KCNMB4: variants seen among roughly 807,000 people sequenced by gnomAD.
KCNMB4 encodes potassium calcium-activated channel subfamily M regulatory beta subunit 4, also known as calcium-activated potassium channel subunit beta-4.
Under a neutral mutation model 20.7 loss-of-function variants are expected in KCNMB4, and 3 were observed. The observed-to-expected ratio is 0.14, with a 90% CI of 0.07 to 0.37. KCNMB4 has a LOEUF of 0.37. Among genes scored for constraint, KCNMB4 ranks in the 10% least tolerant of loss-of-function variants. The pLI is 1.00. For synonymous variants in KCNMB4, 110 were observed against 113.4 expected, an observed-to-expected ratio of 0.97 and a Z score of 0.19; for missense variants, 168 against 265.9, an observed-to-expected ratio of 0.63 and a Z score of 2.56.
In KCNMB4 at chr12:70,430,970, C is replaced by T. The variant is rs879864180; in HGVS notation, c.*317C>T. 4 of 183,334 alleles carry T rather than the reference C, an allele frequency of 2.2e-5. No homozygotes were observed. Among genetic ancestry groups the T allele is most frequent in the Admixed American group, 1.9e-4 (3 of 16,154 alleles). 11.4% of individuals were successfully genotyped at this position (183,334 alleles called of 1,614,324 possible). A position where few individuals can be genotyped will look rare whatever the true frequency, so the allele number is the denominator to read the frequency against. On this transcript the variant is annotated 3_prime_UTR_variant, in exon 3 of 3. Transcript: ENST00000258111. ...TATTTGTACAGTGTAGTATACAAACCATTATGATTTATGCTACTTAAAAAT... is the reference window on the plus strand; with the variant it reads ...TATTTGTACAGTGTAGTATACAAACTATTATGATTTATGCTACTTAAAAAT...
rs1041639966 is a variant in KCNMB4 at position 70,396,767 on chromosome 12, C to A, written c.337-3442C>A. On this transcript the variant is annotated intron_variant, in intron 1 of 2. Transcript: ENST00000258111. ...ATGTAGGTTGTTATTTGTGGTCCTC[C>A]CCAAATGAGAGACATCCATGGTGGA... 9.9e-5 allele frequency among the ~76,000 whole-genome samples: 15 copies of A among 152,262 alleles called. No homozygotes were observed. In the South Asian group the frequency reaches 2.3e-3, roughly 23 times the overall value.
chr12:70,407,667 C>T (rs1399642131), intron 2 of KCNMB4, among the ~76,000 whole-genome samples: 1 of 151,548 alleles, frequency 6.6e-6, no homozygotes, highest in Admixed American at 6.6e-5. Context: ...CGGGGTTTCA[C>T]CGTGTTAGCC....
In KCNMB4 at chr12:70,381,826, T is replaced by C. The variant is rs777062357; in HGVS notation, c.336+14756T>C. On this transcript the variant is annotated intron_variant, in intron 1 of 2. Coordinates refer to ENST00000258111, the MANE Select transcript of KCNMB4 (RefSeq NM_014505.6). ...GATTGTTGCACACCTCTGTGCAATC[T>C]ACTAAAAACCATTAAATTGTACACT... Among the ~76,000 whole-genome samples the C allele has an allele frequency of 5.3e-5, 8 of 152,224 alleles. 1 individual carries two copies. The highest frequency in any genetic ancestry group is 1.0e-4 in the Non-Finnish European group (7 of 68,044).
Position 70,403,692 on chromosome 12 carries a change from G to A in KCNMB4, c.464+3356G>A, listed in dbSNP as rs776843780. Among the ~76,000 whole-genome samples the A allele has an allele frequency of 5.3e-4, 80 of 152,284 alleles. 1 individual carries two copies. Among genetic ancestry groups the A allele is most frequent in the Non-Finnish European group, 2.1e-4 (14 of 68,034 alleles). Reference sequence around the variant, plus strand: ...ATTAGAATCTTTGGTGGTTGAAACCGGGCATTAGCATTTTGTAAAATCGAT... The same window carrying A: ...ATTAGAATCTTTGGTGGTTGAAACCAGGCATTAGCATTTTGTAAAATCGAT... On this transcript the variant is annotated intron_variant, in intron 2 of 2. Transcript: ENST00000258111.
chr12:70,383,540 C>G (rs1883832663), intron 1 of KCNMB4, among the ~76,000 whole-genome samples: 1 of 152,196 alleles, frequency 6.6e-6, no homozygotes, highest in South Asian at 2.1e-4. Flanking sequence ...CTTAACTCAA[C>G]AGAGATTTAT....
chr12:70,425,315 G>T (rs1002656589), intron 2 of KCNMB4, among the ~76,000 whole-genome samples: 5 of 152,068 alleles, frequency 3.3e-5, no homozygotes, highest in African/African-American at 1.2e-4. Context: ...GTGGGCGCCT[G>T]TAGTCCCAGC....
rs369835081 is a variant in KCNMB4 at position 70,432,566 on chromosome 12, G to T, written c.*1913G>T. 2.6e-5 allele frequency: 4 copies of T among 152,222 alleles called. No individual in the cohort carries two copies. In the South Asian group the frequency reaches 8.3e-4, roughly 32 times the overall value. The allele number at this position is 152,222 out of a possible 1,614,324, so 9.4% of individuals were successfully genotyped here. On this transcript the variant is annotated 3_prime_UTR_variant, in exon 3 of 3. Coordinates refer to ENST00000258111, the MANE Select transcript of KCNMB4 (RefSeq NM_014505.6). ...TCTGGGGTTACTGGTGTGCACCACC[G>T]TGCTTGGCTCCAATAATTTTTTTTC...
At chr12:70,382,623 CTT>C (rs1375658333) in intron 1 of KCNMB4, among the ~76,000 whole-genome samples, 2 of 151,814 alleles carry the variant, frequency 1.3e-5, no homozygotes, top group African/African-American at 4.8e-5. Flanking sequence ...TAAGGGAAAA[CTT>C]ACACATTTTT....
intron 2 of KCNMB4, among the ~76,000 whole-genome samples, chr12:70,402,721 C>T (rs547268019): frequency 4.0e-5 from 6 of 149,268 alleles, no homozygotes; most frequent in Non-Finnish European, 8.9e-5. Context: ...CACAGGTGGA[C>T]GGATGTCAGG....
intron 2 of KCNMB4, among the ~76,000 whole-genome samples, chr12:70,407,460 CTTT>C (rs35371839): frequency 1.1e-4 from 7 of 64,180 alleles, no homozygotes; most frequent in Admixed American, 7.4e-4. Context: ...GTGCTGAATT[CTTT>C]TTTTTTTTTT....
At chr12:70,417,227 A>G (rs78694076) in intron 2 of KCNMB4, among the ~76,000 whole-genome samples, 17,186 of 152,296 alleles carry the variant, frequency 0.11, 1,269 homozygotes, top group Middle Eastern at 0.23. Flanking sequence ...GATGAGTTGC[A>G]GAATCTTTTT....
chr12:70,422,213 T>G (rs889650547), intron 2 of KCNMB4, among the ~76,000 whole-genome samples: 2 of 152,230 alleles, frequency 1.3e-5, no homozygotes, highest in Non-Finnish European at 2.9e-5. Flanking sequence ...TGCTTAAACC[T>G]TAAGTTTAAA....
chr12:70,375,740 C>T (rs1014996944), intron 1 of KCNMB4, among the ~76,000 whole-genome samples: 6 of 152,180 alleles, frequency 3.9e-5, no homozygotes, highest in Non-Finnish European at 8.8e-5. Flanking sequence ...TGGGGTTCAA[C>T]AATGTGTAGG....
rs77962117 is a variant in KCNMB4, at chr12:70,380,649, CA to C, written c.336+13594del. Among the ~76,000 whole-genome samples, 443 of 118,924 alleles carry C rather than the reference CA, an allele frequency of 3.7e-3. 2 individuals are homozygous for C. Among genetic ancestry groups the C allele is most frequent in the Non-Finnish European group, 4.5e-3 (248 of 54,862 alleles). The allele number at this position is 118,924 out of a possible 152,430, so 78.0% of individuals were successfully genotyped here. A position where few individuals can be genotyped will look rare whatever the true frequency, so the allele number is the denominator to read the frequency against. Reference sequence around the variant, plus strand: ...AACCTATGGAATAGAACTGAGAGTCCAAAAAAAAAAAAAAACCTATACATCA... The same window carrying C: ...AACCTATGGAATAGAACTGAGAGTCCAAAAAAAAAAAAAACCTATACATCA... On this transcript the variant is annotated intron_variant, in intron 1 of 2. Transcript: ENST00000258111.
chr12:70,405,905 A>G (rs900650222), intron 2 of KCNMB4, among the ~76,000 whole-genome samples: 4 of 152,180 alleles, frequency 2.6e-5, no homozygotes, highest in African/African-American at 9.7e-5. Context: ...AGAAATAGAA[A>G]GAAAATATGG....
chr12:70,369,900 T>C (rs77572634), intron 1 of KCNMB4, among the ~76,000 whole-genome samples: 4,369 of 152,276 alleles, frequency 0.029, 115 homozygotes, highest in African/African-American at 0.063. Flanking sequence ...TCTCTGTGGA[T>C]TAACCATAGC....
chr12:70,376,328 A>G (rs192429663), intron 1 of KCNMB4, among the ~76,000 whole-genome samples: 1 of 152,230 alleles, frequency 6.6e-6, no homozygotes, highest in African/African-American at 2.4e-5. Flanking sequence ...TCAACATTGT[A>G]GTGGCAGTTC....
chr12:70,387,428 G>A (rs1248393020), intron 1 of KCNMB4, among the ~76,000 whole-genome samples: 1 of 124,474 alleles, frequency 8.0e-6, no homozygotes, highest in African/African-American at 3.2e-5. Context: ...GTGAGATGGA[G>A]TTTTGCTCTT....
chr12:70,429,399 ACT>A lies in KCNMB4; in HGVS notation c.465-1084_465-1083del, dbSNP rs569335137. 2.7e-4 allele frequency among the ~76,000 whole-genome samples: 41 copies of A among 152,172 alleles called. No individual in the cohort carries two copies. The South Asian group carries it at 8.1e-3, about 30-fold the overall frequency. On this transcript the variant is annotated intron_variant, in intron 2 of 2. Transcript: ENST00000258111. The stretch of plus-strand genomic sequence containing the variant: ...GTTAAAATTCCGGCCGGGTGCGGTG[ACT>A]CACGCCTGTAATGCCAGCACTTTGG...
Sources: allele counts gnomAD v4.1 joint callset (sites outside exome capture counted in the v4.1 genomes callset), GRCh38; gene constraint gnomAD v4.1.1; transcripts MANE v1.5; gene names NCBI Gene and HGNC (gene_info 2026-07-23, HGNC 2026-07-21).